The following SLC4A8 variants were observed in gnomAD, a reference collection of about 807,000 sequenced individuals.
SLC4A8 encodes the protein electroneutral sodium bicarbonate exchanger 1.
In SLC4A8, 40 loss-of-function variants were observed where a neutral mutation model predicts 125.0. The ratio of observed to expected loss-of-function variants is 0.32; its 90% CI spans 0.25 to 0.42. The LOEUF is 0.42. Among genes scored for constraint, SLC4A8 ranks in the 10% least tolerant of loss-of-function variants. SLC4A8 has a pLI of 1.00. For missense variants in SLC4A8, 863 were observed against 1,355.1 expected, an observed-to-expected ratio of 0.64 and a Z score of 5.70; for synonymous variants, 456 against 476.0, an observed-to-expected ratio of 0.96 and a Z score of 0.55.
chr12:51,396,925 ATTT>A (rs753146267), intron 1 of SLC4A8, among the ~76,000 whole-genome samples: 1,389 of 106,264 alleles, frequency 0.013, 16 homozygotes, highest in African/African-American at 0.049. Context: ...GCCTTAGTTA[ATTT>A]TTTTTTTTTT....
chr12:51,425,320 T>G (rs1948933558), intron 1 of SLC4A8: 6 of 1,250,244 alleles, frequency 4.8e-6, no homozygotes, highest in Admixed American at 4.2e-5. Flanking sequence ...CGACCTCTTG[T>G]TCTCCTCGCG....
intron 2 of SLC4A8, among the ~76,000 whole-genome samples, chr12:51,441,919 C>A (rs1949610659): frequency 6.6e-6 from 1 of 152,066 alleles, no homozygotes; most frequent in South Asian, 2.1e-4. Context: ...TTATTTTGAC[C>A]AGATGGAAGA....
chr12:51,411,846 A>G (rs1948602861), intron 1 of SLC4A8, among the ~76,000 whole-genome samples: 1 of 152,152 alleles, frequency 6.6e-6, no homozygotes, highest in South Asian at 2.1e-4. Flanking sequence ...GAGCTTTAGG[A>G]GGCCAAAGCC....
intron 1 of SLC4A8, among the ~76,000 whole-genome samples, chr12:51,395,104 T>C (rs1948233833): frequency 6.6e-6 from 1 of 151,708 alleles, no homozygotes; most frequent in African/African-American, 2.4e-5. Context: ...AAAATAAAAA[T>C]GAAAAAGTTA....
intron 5 of SLC4A8, among the ~76,000 whole-genome samples, chr12:51,457,114 A>C (rs1398392589): frequency 6.6e-6 from 1 of 152,232 alleles, no homozygotes; most frequent in Non-Finnish European, 1.5e-5. Context: ...TTGTTGTACT[A>C]GTGCTCAATA....
intron 1 of SLC4A8, among the ~76,000 whole-genome samples, chr12:51,417,994 C>T (rs1592151630): frequency 6.6e-6 from 1 of 152,226 alleles, no homozygotes; most frequent in Non-Finnish European, 1.5e-5. Context: ...AAATTCCAGA[C>T]TCCTGGCAGT....
chr12:51,434,464 T>C (rs1949337753), intron 1 of SLC4A8, among the ~76,000 whole-genome samples: 1 of 152,224 alleles, frequency 6.6e-6, no homozygotes, highest in Non-Finnish European at 1.5e-5. Flanking sequence ...AGCCTGACCT[T>C]TCAAATGCTT....
At position 51,424,831 on chromosome 12, in the gene SLC4A8, G is replaced by C. The variant is rs949133208; in HGVS notation, c.-157G>C. On this transcript the variant is annotated 5_prime_UTR_variant, in exon 1 of 25. Coordinates refer to ENST00000453097, the MANE Select transcript of SLC4A8 (RefSeq NM_001039960.3). ...GCTGATTGGTTGCGGCGGATGCCTC[G>C]CGGGCCGGTGGCTATGGAGGCGGCG... The C allele has an allele frequency of 1.4e-6, 1 of 721,532 alleles. No homozygotes were observed. Among genetic ancestry groups the C allele is most frequent in the Non-Finnish European group, 2.3e-6 (1 of 442,606 alleles). The allele number at this position is 721,532 out of a possible 1,614,324, so 44.7% of individuals were successfully genotyped here.
intron 21 of SLC4A8, among the ~76,000 whole-genome samples, chr12:51,496,046 T>A (rs1400208852): frequency 6.6e-6 from 1 of 152,014 alleles, no homozygotes. Flanking sequence ...AATTTTTTTC[T>A]AATCCTCTAG....
intron 2 of SLC4A8, among the ~76,000 whole-genome samples, chr12:51,448,959 G>C (rs1949876647): frequency 6.6e-6 from 1 of 152,114 alleles, no homozygotes; most frequent in Admixed American, 6.5e-5. Flanking sequence ...TTCTTTTTAA[G>C]AAGTCAGGAG....
At chr12:51,407,244 A>G (rs1451556825) in intron 1 of SLC4A8, among the ~76,000 whole-genome samples, 3 of 152,094 alleles carry the variant, frequency 2.0e-5, no homozygotes, top group Non-Finnish European at 2.9e-5. Flanking sequence ...TTAAATTTCA[A>G]TATAAATTGC....
At chr12:51,474,030 A>AC (rs1950788923) in intron 14 of SLC4A8, among the ~76,000 whole-genome samples, 1 of 151,418 alleles carries the variant, frequency 6.6e-6, no homozygotes, top group African/African-American at 2.4e-5. Context: ...AAAAACAAAA[A>AC]AACAAAACAA....
intron 5 of SLC4A8, among the ~76,000 whole-genome samples, chr12:51,454,319 G>A (rs1021003664): frequency 1.3e-5 from 2 of 152,054 alleles, no homozygotes; most frequent in African/African-American, 4.8e-5. Context: ...ACACCTGTGG[G>A]TGTTTCTCAT....
intron 22 of SLC4A8, among the ~76,000 whole-genome samples, chr12:51,499,411 C>A (rs1439389793): frequency 5.3e-5 from 8 of 151,556 alleles, no homozygotes; most frequent in African/African-American, 1.9e-4. Flanking sequence ...TGCTCTATGT[C>A]TCTCTAGTTG....
chr12:51,498,962 T>G (rs529863592), intron 22 of SLC4A8, among the ~76,000 whole-genome samples: 1 of 142,050 alleles, frequency 7.0e-6, no homozygotes, highest in African/African-American at 2.6e-5. Flanking sequence ...GGCAGGCAGA[T>G]CACCTGAGGT....
intron 21 of SLC4A8, 69 bp from the exon 22 acceptor site, chr12:51,496,918 G>A (rs886156421): frequency 4.0e-6 from 6 of 1,506,924 alleles, no homozygotes; most frequent in Admixed American, 3.7e-5. Flanking sequence ...GTGAAAATAA[G>A]GCTTTGCTTT....
chr12:51,420,523 A>G (rs551908884), upstream of SLC4A8, among the ~76,000 whole-genome samples: 7 of 152,354 alleles, frequency 4.6e-5, no homozygotes, highest in Admixed American at 4.6e-4. Flanking sequence ...TGCTTCCTTG[A>G]GAAGTCTATG....
intron 18 of SLC4A8, 32 bp downstream of exon 18, chr12:51,488,892 G>T: frequency 1.9e-6 from 3 of 1,579,856 alleles, no homozygotes; most frequent in Non-Finnish European, 2.6e-6. Context: ...GAAGGCTGCT[G>T]TGGCAACCTG....
intron 1 of SLC4A8, among the ~76,000 whole-genome samples, chr12:51,410,246 A>G (rs1948568481): frequency 1.3e-5 from 2 of 152,220 alleles, no homozygotes; most frequent in South Asian, 2.1e-4. Flanking sequence ...AAAGAAAAAA[A>G]GTTTTAAAAT....
Sources: allele counts gnomAD v4.1 joint callset (sites outside exome capture counted in the v4.1 genomes callset), GRCh38; gene constraint gnomAD v4.1.1; transcripts MANE v1.5; gene names NCBI Gene and HGNC (gene_info 2026-07-23, HGNC 2026-07-21).